The following PCNX4 variants were observed in gnomAD, a reference collection of about 807,000 sequenced individuals.
The protein encoded by PCNX4 is pecanex 4.
In PCNX4, 103 loss-of-function variants were observed where a neutral mutation model predicts 107.2. That is an observed-to-expected ratio of 0.96 (90% CI 0.82 to 1.13). PCNX4 has a LOEUF of 1.13. PCNX4 is among the 50% of genes most tolerant of loss of function. The pLI, the probability that PCNX4 is intolerant of heterozygous loss-of-function variation, is 0.00. For missense variants in PCNX4, 1,528 were observed against 1,379.4 expected, an observed-to-expected ratio of 1.11 and a Z score of -1.71; for synonymous variants, 541 against 481.7, an observed-to-expected ratio of 1.12 and a Z score of -1.61.
chr14:60,108,781 T>TTTTTTTTTTTTTTG, intron 2 of PCNX4: 2 of 148,632 alleles, frequency 1.3e-5, no homozygotes. Flanking sequence ...ATTGATTTTT[T>TTTTTTTTTTTTTTG]AAAAACCAAC....
At chr14:60,095,915 C>G (rs902765643) in intron 1 of PCNX4, among the ~76,000 whole-genome samples, 6 of 152,138 alleles carry the variant, frequency 3.9e-5, no homozygotes, top group African/African-American at 1.4e-4. Context: ...CTGGGTCAGG[C>G]TATATTACTG....
Position 60,115,466 on chromosome 14 carries a change from G to A in PCNX4, c.1357+5G>A, listed in dbSNP as rs1477595335. The stretch of plus-strand genomic sequence containing the variant: ...GACGGATTTTGCTAACTTTAGGTAG[G>A]AAGATAAAGTCTATTAACCTTGTGT... On this transcript the variant is annotated splice_donor_5th_base_variant and intron_variant, in intron 4 of 10. Coordinates refer to ENST00000406854, the MANE Select transcript of PCNX4 (RefSeq NM_001330177.2). The A allele has an allele frequency of 1.3e-6, 2 of 1,517,056 alleles. No individual in the cohort carries two copies. 94.0% of individuals were successfully genotyped at this position (1,517,056 alleles called of 1,614,324 possible).
At chr14:60,111,836 T>A (rs1233267646) in intron 2 of PCNX4, among the ~76,000 whole-genome samples, 3 of 152,094 alleles carry the variant, frequency 2.0e-5, no homozygotes, top group Non-Finnish European at 4.4e-5. Context: ...ACAAAGCCAG[T>A]CCCCACATCT....
Position 60,115,930 on chromosome 14 carries a change from G to T in PCNX4, c.1459-11G>T, listed in dbSNP as rs771054741. ...TCTACCTGATAAAAATGGATAATTT[G>T]TATACTGCAGGTATGGCAGAATACA... On this transcript the variant is annotated splice_polypyrimidine_tract_variant and intron_variant, in intron 5 of 10. Transcript: ENST00000406854. 1.2e-6 allele frequency: 2 copies of T among 1,603,858 alleles called. No homozygotes were observed. The highest frequency in any genetic ancestry group is 1.1e-5 in the South Asian group (1 of 89,492).
At position 60,147,287 on chromosome 14, in the gene PCNX4, T is replaced by C. The variant is rs943897897; in HGVS notation, c.*13066T>C. ...GTTATAAGATAAATAACTTATGTTA[T>C]TATAATTTACAGATTCTAAGGATCT... On this transcript the variant is annotated 3_prime_UTR_variant, in exon 11 of 11. Transcript: ENST00000406854. The C allele has an allele frequency of 2.6e-5, 4 of 152,172 alleles. No individual in the cohort carries two copies. Among genetic ancestry groups the C allele is most frequent in the Non-Finnish European group, 5.9e-5 (4 of 68,034 alleles). The allele number at this position is 152,172 out of a possible 1,614,324, so 9.4% of individuals were successfully genotyped here.
At chr14:60,106,379 G>T (rs1053900957) in intron 1 of PCNX4, among the ~76,000 whole-genome samples, 1 of 151,924 alleles carries the variant, frequency 6.6e-6, no homozygotes, top group African/African-American at 2.4e-5. Context: ...TTATTATTTA[G>T]GGAATAATAA....
At position 60,121,190 on chromosome 14, in the gene PCNX4, T is replaced by C. The variant is rs1225370311; in HGVS notation, c.1943-6T>C. 2.3e-5 allele frequency: 36 copies of C among 1,571,580 alleles called. No individual in the cohort carries two copies. Among genetic ancestry groups the C allele is most frequent in the Non-Finnish European group, 3.0e-5 (35 of 1,166,080 alleles). The stretch of plus-strand genomic sequence containing the variant: ...TTTTTTTTTTTTTTTTTCTAATTTG[T>C]TGTAGGTCTCCTCCTACCTGGATCT... On this transcript the variant is annotated splice_polypyrimidine_tract_variant and splice_region_variant and intron_variant, in intron 7 of 10. Coordinates refer to ENST00000406854, the MANE Select transcript of PCNX4 (RefSeq NM_001330177.2).
chr14:60,096,399 T>A (rs1248921132), intron 1 of PCNX4, among the ~76,000 whole-genome samples: 3 of 152,196 alleles, frequency 2.0e-5, no homozygotes, highest in Non-Finnish European at 4.4e-5. Flanking sequence ...CCATATAACA[T>A]CTTCAGTACC....
chr14:60,094,419 T>G (rs1178093096), intron 1 of PCNX4, among the ~76,000 whole-genome samples: 1 of 152,116 alleles, frequency 6.6e-6, no homozygotes, highest in Non-Finnish European at 1.5e-5. Flanking sequence ...CCCCCAGCAT[T>G]TTGCAGACCT....
intron 1 of PCNX4, among the ~76,000 whole-genome samples, chr14:60,093,357 C>G (rs1344689292): frequency 1.3e-5 from 2 of 152,206 alleles, no homozygotes; most frequent in African/African-American, 4.8e-5. Context: ...CTCCCTCCCC[C>G]CATTATCCTT....
rs1432939211 is a variant in PCNX4 at position 60,142,315 on chromosome 14, G to C, written c.*8094G>C. The C allele has an allele frequency of 6.6e-6, 1 of 152,094 alleles. No individual in the cohort carries two copies. The highest frequency in any genetic ancestry group is 6.6e-5 in the Admixed American group (1 of 15,266). The allele number at this position is 152,094 out of a possible 1,614,324, so 9.4% of individuals were successfully genotyped here. A position where few individuals can be genotyped will look rare whatever the true frequency, so the allele number is the denominator to read the frequency against. ...TATTTAAATCTACCTTTGAATTACC[G>C]ATTGTGACTGAGGTCTCATGTGGCT... On this transcript the variant is annotated 3_prime_UTR_variant, in exon 11 of 11. Coordinates refer to ENST00000406854, the MANE Select transcript of PCNX4 (RefSeq NM_001330177.2). This position sits in a 1 kb window ranked among gnomAD's most constrained non-coding sequence, Gnocchi z 4.7.
At chr14:60,131,770 C>T (rs1049870884) in intron 10 of PCNX4, among the ~76,000 whole-genome samples, 2 of 152,130 alleles carry the variant, frequency 1.3e-5, no homozygotes, top group East Asian at 1.9e-4. Flanking sequence ...GAAAATTGGC[C>T]GACTCATACT....
chr14:60,100,694 G>T (rs778146405), intron 1 of PCNX4, among the ~76,000 whole-genome samples: 4 of 152,158 alleles, frequency 2.6e-5, no homozygotes, highest in African/African-American at 9.7e-5. Flanking sequence ...CTGTCTAAGG[G>T]GCCTAGAGAG....
intron 1 of PCNX4, among the ~76,000 whole-genome samples, chr14:60,101,709 T>A (rs1895535973): frequency 2.6e-5 from 4 of 151,766 alleles, no homozygotes; most frequent in Non-Finnish European, 5.9e-5. Context: ...AAAAAAATAA[T>A]TAAAAAAAGA....
At chr14:60,123,776 A>G (rs562042764) in intron 8 of PCNX4, among the ~76,000 whole-genome samples, 169 of 152,286 alleles carry the variant, frequency 1.1e-3, no homozygotes, top group African/African-American at 3.8e-3. Flanking sequence ...AAATTCTGGC[A>G]CATCCATACA....
chr14:60,104,560 G>T (rs941089750), intron 1 of PCNX4, among the ~76,000 whole-genome samples: 6 of 152,110 alleles, frequency 3.9e-5, no homozygotes, highest in African/African-American at 7.2e-5. Context: ...CCCAAGACTG[G>T]GTAATTTATA....
In PCNX4 at chr14:60,144,863, A is replaced by G. The variant is rs559729277; in HGVS notation, c.*10642A>G. 3.9e-5 allele frequency: 39 copies of G among 1,006,224 alleles called. No individual in the cohort carries two copies. The African/African-American group carries it at 4.6e-4, about 12-fold the overall frequency. 62.3% of individuals were successfully genotyped at this position (1,006,224 alleles called of 1,614,324 possible). A position where few individuals can be genotyped will look rare whatever the true frequency, so the allele number is the denominator to read the frequency against. On this transcript the variant is annotated 3_prime_UTR_variant, in exon 11 of 11. Transcript: ENST00000406854. Reference sequence around the variant, plus strand: ...AGCAAAGTCATATCTATTAAAAAGTAAAATCACAAATTAGTCTTTGATTAT... The same window carrying G: ...AGCAAAGTCATATCTATTAAAAAGTGAAATCACAAATTAGTCTTTGATTAT...
In PCNX4 at chr14:60,124,472, A is replaced by C; in HGVS notation, c.2301A>C (p.Ile767=). 6.2e-7 allele frequency: 1 copy of C among 1,613,786 alleles called. No individual in the cohort carries two copies. Among genetic ancestry groups the C allele is most frequent in the Non-Finnish European group, 8.5e-7 (1 of 1,179,752 alleles). The change falls in exon 9 of 11, where the codon ATA becomes ATC. Residue 767 remains isoleucine, a synonymous_variant. Transcript: ENST00000406854. ...ACCTCATTAAAGTACTTGTGTGGATACTTGTTCAATACTGCTCCAAAAGGC... is the reference window on the plus strand; with the variant it reads ...ACCTCATTAAAGTACTTGTGTGGATCCTTGTTCAATACTGCTCCAAAAGGC... ...KGDLIKVLVW[I]LVQYCSKRPG... is the part of the protein sequence containing the mutation.
intron 6 of PCNX4, among the ~76,000 whole-genome samples, chr14:60,116,887 GA>G (rs1419834492): frequency 6.6e-6 from 1 of 152,008 alleles, no homozygotes; most frequent in Non-Finnish European, 1.5e-5. Flanking sequence ...GGCCTAGACT[GA>G]TACGTGTTTT....
Sources: allele counts gnomAD v4.1 joint callset (sites outside exome capture counted in the v4.1 genomes callset), GRCh38; gene constraint gnomAD v4.1.1; non-coding constraint Gnocchi (gnomAD v3.1); transcripts MANE v1.5; gene names NCBI Gene and HGNC (gene_info 2026-07-23, HGNC 2026-07-21).